CTTNBP2: variants seen among roughly 807,000 people sequenced by gnomAD.
CTTNBP2 encodes the protein cortactin binding protein 2, also known as cortactin-binding protein 2.
CTTNBP2 carries 108 observed loss-of-function variants against 156.9 expected under a neutral mutation model. The observed-to-expected ratio is 0.69, with a 90% CI of 0.59 to 0.81. The LOEUF is 0.81. Among genes scored for constraint, CTTNBP2 ranks in the 30% least tolerant of loss-of-function variants. The pLI is 0.00. For synonymous variants in CTTNBP2, 767 were observed against 751.8 expected (o/e 1.02, Z -0.33); for missense variants, 1,924 against 2,035.4 (o/e 0.95, Z 1.05).
intron 2 of CTTNBP2, among the ~76,000 whole-genome samples, chr7:117,851,939 CTAAGT>C (rs1802954684): frequency 6.6e-6 from 1 of 152,118 alleles, no homozygotes; most frequent in African/African-American, 2.4e-5. Flanking sequence ...ATCATCAACT[CTAAGT>C]TAACTTGACA....
intron 6 of CTTNBP2, 71 bp downstream of exon 6, chr7:117,782,790 CT>C: frequency 1.0e-6 from 1 of 1,001,308 alleles, no homozygotes; most frequent in African/African-American, 1.6e-5. Context: ...TCAGCCGGAA[CT>C]AAAATACGTG....
intron 2 of CTTNBP2, among the ~76,000 whole-genome samples, chr7:117,849,460 C>T (rs1193450701): frequency 9.9e-5 from 15 of 152,262 alleles, no homozygotes; most frequent in Middle Eastern, 3.4e-3. Context: ...ACAAAAGCCT[C>T]AGATCATTCC....
intron 1 of CTTNBP2, among the ~76,000 whole-genome samples, chr7:117,868,117 C>A (rs1230660499): frequency 1.3e-5 from 2 of 152,182 alleles, no homozygotes; most frequent in Non-Finnish European, 2.9e-5. Flanking sequence ...TCTATTTTCA[C>A]CCTAACTCAG....
intron 2 of CTTNBP2, among the ~76,000 whole-genome samples, chr7:117,823,313 C>T (rs2052315): frequency 0.71 from 108,048 of 152,072 alleles, 39,126 homozygotes; most frequent in African/African-American, 0.86. Context: ...TGGAATTATA[C>T]GTAAATTAGA....
rs769726852 is a variant in CTTNBP2, at chr7:117,791,995, G to T, written c.1201C>A (p.Leu401Ile). The change falls in exon 4 of 23, where the codon CTT (leucine) becomes ATT (isoleucine). Residue 401 changes from leucine to isoleucine, a missense_variant. Leu to Ile is a conservative substitution (Grantham distance 5). Coordinates refer to ENST00000160373, the MANE Select transcript of CTTNBP2 (RefSeq NM_033427.3). The stretch of plus-strand genomic sequence containing the variant: ...GTGGGAGGGGCAGCGTTACTGGGAA[G>T]TGGGGGTGTGCTACTGGTTGGATCT... ...TPDPTSSTPP[L>I]PSNAAPPTAQ... is the part of the protein sequence containing the mutation. The T allele has an allele frequency of 1.9e-6, 3 of 1,614,104 alleles. No individual in the cohort carries two copies. Among genetic ancestry groups the T allele is most frequent in the Non-Finnish European group, 2.5e-6 (3 of 1,180,036 alleles).
At chr7:117,753,615 G>A (rs1315210969) in intron 12 of CTTNBP2, among the ~76,000 whole-genome samples, 1 of 152,140 alleles carries the variant, frequency 6.6e-6, no homozygotes, top group African/African-American at 2.4e-5. Context: ...GCACATGAAT[G>A]GAGCTGGAAG....
chr7:117,802,862 T>A (rs963833352), intron 3 of CTTNBP2, among the ~76,000 whole-genome samples: 4 of 152,094 alleles, frequency 2.6e-5, no homozygotes, highest in Non-Finnish European at 5.9e-5. Context: ...GAATGGCTAT[T>A]AATAAAAAGT....
At chr7:117,743,633 G>A (rs1796138616) in intron 14 of CTTNBP2, among the ~76,000 whole-genome samples, 1 of 151,542 alleles carries the variant, frequency 6.6e-6, no homozygotes, top group East Asian at 1.9e-4. Context: ...GTGGTGGCGA[G>A]CGCCTGTAGC....
At chr7:117,774,061 C>T (rs574811754) in intron 8 of CTTNBP2, among the ~76,000 whole-genome samples, 2 of 152,194 alleles carry the variant, frequency 1.3e-5, no homozygotes, top group African/African-American at 4.8e-5. Flanking sequence ...GGTTTCATGA[C>T]AGAACAGGAA....
At chr7:117,832,693 C>G (rs1416752570) in intron 2 of CTTNBP2, among the ~76,000 whole-genome samples, 4 of 149,336 alleles carry the variant, frequency 2.7e-5, no homozygotes, top group Admixed American at 2.0e-4. Context: ...TTCTTAGAGA[C>G]AGCAAATGAC....
chr7:117,773,694 CA>C (rs879469238), intron 8 of CTTNBP2, among the ~76,000 whole-genome samples: 4,861 of 141,868 alleles, frequency 0.034, 126 homozygotes, highest in Middle Eastern at 0.072. Context: ...CACACACACA[CA>C]CACACACACA....
rs894554095 is a variant in CTTNBP2, at chr7:117,764,928, T to G, written c.2896+2131A>C. On this transcript the variant is annotated intron_variant, in intron 9 of 22. Coordinates refer to ENST00000160373, the MANE Select transcript of CTTNBP2 (RefSeq NM_033427.3). ...TCTTTGACATATTCTGTTCTTCAGG[T>G]TTTTTTTGTTTTGTTTTGTTTTTTT... Among the ~76,000 whole-genome samples, 3 of 152,002 alleles carry G rather than the reference T, an allele frequency of 2.0e-5. 1 individual carries two copies. In the South Asian group the frequency reaches 6.3e-4, roughly 32 times the overall value.
intron 2 of CTTNBP2, among the ~76,000 whole-genome samples, chr7:117,857,308 A>G (rs1261560586): frequency 6.6e-6 from 1 of 152,228 alleles, no homozygotes; most frequent in Non-Finnish European, 1.5e-5. Flanking sequence ...CTTCAATACT[A>G]TCATGGGCTT....
chr7:117,777,711 T>C lies in CTTNBP2; in HGVS notation c.2578A>G (p.Lys860Glu), dbSNP rs148107337. The change falls in exon 8 of 23, where the codon AAG (lysine) becomes GAG (glutamate). Residue 860 changes from lysine (K) to glutamate (E), a missense_variant. By Grantham distance (56) the Lys-to-Glu change is moderately conservative. Transcript: ENST00000160373. ...AVDTGNVDSL[K>E]LLMYHRIPAH... ...GGTATTCTATGGTACATAAGAAGCT[T>C]GAGGCTGTCCACATTACCAGTGTCC... The C allele has an allele frequency of 2.7e-5, 43 of 1,613,960 alleles. No homozygotes were observed. Among genetic ancestry groups the C allele is most frequent in the Non-Finnish European group, 3.0e-5 (35 of 1,179,944 alleles).
chr7:117,820,856 T>C (rs1800920259), intron 2 of CTTNBP2, among the ~76,000 whole-genome samples: 1 of 152,218 alleles, frequency 6.6e-6, no homozygotes. Flanking sequence ...AATCAGTTTG[T>C]AAGATTTTTA....
intron 19 of CTTNBP2, among the ~76,000 whole-genome samples, chr7:117,721,445 G>C (rs1357211950): frequency 1.3e-5 from 2 of 152,210 alleles, no homozygotes; most frequent in Non-Finnish European, 2.9e-5. Flanking sequence ...CTTTAGTCAA[G>C]TCCCTAGTTC....
intron 14 of CTTNBP2, among the ~76,000 whole-genome samples, chr7:117,739,962 AT>A (rs1373740735): frequency 6.6e-6 from 1 of 151,590 alleles, no homozygotes; most frequent in Admixed American, 6.6e-5. Context: ...CTAGTGTTTA[AT>A]TTTTTTTTCT....
At chr7:117,812,264 T>C (rs1341290478) in intron 2 of CTTNBP2, among the ~76,000 whole-genome samples, 1 of 152,120 alleles carries the variant, frequency 6.6e-6, no homozygotes, top group Admixed American at 6.5e-5. Context: ...ATTCAGGTCA[T>C]TTTGGAATAG....
At chr7:117,835,696 C>T (rs570074817) in intron 2 of CTTNBP2, among the ~76,000 whole-genome samples, 32 of 152,248 alleles carry the variant, frequency 2.1e-4, no homozygotes, top group East Asian at 5.8e-4. Flanking sequence ...GTTTTCAACA[C>T]GCATTCGTCT....
Sources: allele counts gnomAD v4.1 joint callset (sites outside exome capture counted in the v4.1 genomes callset), GRCh38; gene constraint gnomAD v4.1.1; transcripts MANE v1.5; gene names NCBI Gene and HGNC (gene_info 2026-07-23, HGNC 2026-07-21).